Variants in RBM25 observed in about 807,000 individuals in gnomAD.
The protein encoded by RBM25 is RNA binding motif protein 25.
In RBM25, 19 loss-of-function variants were observed where a neutral mutation model predicts 120.7. The observed-to-expected ratio is 0.16, with a 90% CI of 0.11 to 0.23. The LOEUF (loss-of-function observed/expected upper bound fraction) is 0.23, where lower values mean the gene tolerates loss of function less well. Among genes scored for constraint, RBM25 ranks in the 10% least tolerant of loss-of-function variants. RBM25 has a pLI of 1.00. For synonymous variants in RBM25, 390 were observed against 326.7 expected, an observed-to-expected ratio of 1.19 and a Z score of -2.09; for missense variants, 605 against 1,041.5, an observed-to-expected ratio of 0.58 and a Z score of 5.77.
intron 13 of RBM25, 54 bp from the exon 14 acceptor site, chr14:73,109,288 T>C: frequency 6.4e-7 from 1 of 1,559,782 alleles, no homozygotes. Flanking sequence ...ATGTCATGTT[T>C]ACTTCTCAAT....
intron 6 of RBM25, among the ~76,000 whole-genome samples, chr14:73,092,363 G>A (rs894166704): frequency 5.3e-5 from 8 of 152,008 alleles, no homozygotes; most frequent in Admixed American, 2.0e-4. Flanking sequence ...ATTCTTGGTC[G>A]TTGATTAGTT....
In RBM25 at chr14:73,063,487, T is replaced by C. The variant is rs537641338; in HGVS notation, c.-16+4782T>C. Among the ~76,000 whole-genome samples, 1,031 of 151,506 alleles carry C rather than the reference T, an allele frequency of 6.8e-3. 53 individuals carry two copies. Among genetic ancestry groups the C allele is most frequent in the South Asian group, 0.065 (312 of 4,814 alleles). ...TTAGCAGGAAAAGGTGCTTTGAACCTTCTAAAATGTGAGGTACTTTCAATA... is the reference window on the plus strand; with the variant it reads ...TTAGCAGGAAAAGGTGCTTTGAACCCTCTAAAATGTGAGGTACTTTCAATA... On this transcript the variant is annotated intron_variant, in intron 1 of 18. Coordinates refer to ENST00000261973, the MANE Select transcript of RBM25 (RefSeq NM_021239.3).
chr14:73,097,139 G>A (rs898402951), intron 7 of RBM25, 39 bp downstream of exon 7: 1 of 1,299,062 alleles, frequency 7.7e-7, no homozygotes, highest in Non-Finnish European at 1.0e-6. Context: ...TCTACCGTTT[G>A]TTTTTTATGA....
chr14:73,078,465 C>T (rs1358602809), intron 4 of RBM25, among the ~76,000 whole-genome samples: 2 of 151,734 alleles, frequency 1.3e-5, no homozygotes, highest in Non-Finnish European at 2.9e-5. Context: ...CACTCCAGCC[C>T]GAGCAAGAGA....
At position 73,106,202 on chromosome 14, in the gene RBM25, A is replaced by G; in HGVS notation, c.1384A>G (p.Lys462Glu). The part of the protein sequence containing the change: ...EKEAAYQERL[K>E]NWEIRERKKT... ...GAAAATTTAATTTTTTTAGCGCCTT[A>G]AGAATTGGGAAATCAGAGAACGAAA... The change falls in exon 12 of 19, where the codon AAG becomes GAG. Residue 462 changes from lysine to glutamate, a missense_variant. By Grantham distance (56) the Lys-to-Glu change is moderately conservative. Transcript: ENST00000261973. The G allele has an allele frequency of 6.3e-7, 1 of 1,589,264 alleles. No homozygotes were observed. The highest frequency in any genetic ancestry group is 1.2e-5 in the South Asian group (1 of 85,402).
intron 2 of RBM25, among the ~76,000 whole-genome samples, chr14:73,074,752 C>T (rs571017127): frequency 6.6e-6 from 1 of 151,574 alleles, no homozygotes; most frequent in Non-Finnish European, 1.5e-5. Flanking sequence ...CACTCTGTCG[C>T]TGGAGTGCAG....
chr14:73,105,859 A>G lies in RBM25; in HGVS notation c.1155A>G (p.Arg385=). Residue 385 remains arginine (R), a splice_region_variant and synonymous_variant, in exon 11 of 19, where the codon AGA becomes AGG. Coordinates refer to ENST00000261973, the MANE Select transcript of RBM25 (RefSeq NM_021239.3). The part of the protein sequence containing the change: ...SDRNKDRSRS[R]EKSRDRERER... ...TTGTAAAATATTTTGTTTACATTAG[A>G]GAAAAAAGCAGAGATCGTGAAAGGG... The G allele has an allele frequency of 6.2e-6, 10 of 1,606,256 alleles. No individual in the cohort carries two copies. Among genetic ancestry groups the G allele is most frequent in the Non-Finnish European group, 8.5e-6 (10 of 1,177,826 alleles).
intron 7 of RBM25, 99 bp downstream of exon 7, chr14:73,097,199 T>TC: frequency 1.7e-6 from 1 of 601,440 alleles, no homozygotes; most frequent in Non-Finnish European, 2.3e-6. Flanking sequence ...TTCTTTTCTT[T>TC]TTTTTTTTTT....
chr14:73,090,884 G>A (rs1895799014), intron 6 of RBM25, among the ~76,000 whole-genome samples: 1 of 152,052 alleles, frequency 6.6e-6, no homozygotes, highest in Non-Finnish European at 1.5e-5. Context: ...TGCTTCATAA[G>A]GAAATTATAT....
At chr14:73,087,552 C>T (rs148218641) in intron 5 of RBM25, among the ~76,000 whole-genome samples, 1,757 of 152,218 alleles carry the variant, frequency 0.012, 31 homozygotes, top group African/African-American at 0.04. Flanking sequence ...CCCGCCACCG[C>T]GCCCGGCTAA....
In RBM25 at chr14:73,106,197, G is replaced by A. The variant is rs749264751; in HGVS notation, c.1379G>A (p.Arg460His). ...GCTTTGAAAATTTAATTTTTTTAGC[G>A]CCTTAAGAATTGGGAAATCAGAGAA... ...LREKEAAYQE[R>H]LKNWEIRERK... Residue 460 changes from arginine to histidine, a missense_variant and splice_region_variant, in exon 12 of 19, where the codon CGC becomes CAC. Transcript: ENST00000261973. The A allele has an allele frequency of 3.8e-6, 6 of 1,582,726 alleles. No individual in the cohort carries two copies. The highest frequency in any genetic ancestry group is 5.1e-6 in the Non-Finnish European group (6 of 1,170,122).
chr14:73,111,835 G>A (rs1258005857), intron 16 of RBM25, 33 bp downstream of exon 16: 13 of 1,538,118 alleles, frequency 8.5e-6, no homozygotes, highest in Admixed American at 4.4e-5. Flanking sequence ...TCATATTATT[G>A]GGAACAGTTG....
At chr14:73,090,764 C>G (rs911025633) in intron 6 of RBM25, among the ~76,000 whole-genome samples, 1 of 152,160 alleles carries the variant, frequency 6.6e-6, no homozygotes, top group Non-Finnish European at 1.5e-5. Flanking sequence ...TGGGCTGTGT[C>G]TCTTTAATCT....
At chr14:73,084,194 G>T (rs1005515533) in intron 5 of RBM25, among the ~76,000 whole-genome samples, 1 of 152,086 alleles carries the variant, frequency 6.6e-6, no homozygotes, top group Non-Finnish European at 1.5e-5. Context: ...CACCACACCT[G>T]ACCTCAAATG....
intron 14 of RBM25, 53 bp downstream of exon 14, chr14:73,109,545 G>C (rs1896260726): frequency 1.3e-6 from 2 of 1,551,162 alleles, no homozygotes; most frequent in Non-Finnish European, 1.7e-6. Flanking sequence ...TGTAATCCCA[G>C]CTCTTTGGGA....
chr14:73,063,349 C>T (rs1205039383), intron 1 of RBM25, among the ~76,000 whole-genome samples: 1 of 151,036 alleles, frequency 6.6e-6, no homozygotes, highest in Non-Finnish European at 1.5e-5. Flanking sequence ...CGAGATTTCA[C>T]TGTGTTAGCC....
intron 1 of RBM25, chr14:73,070,045 TA>T (rs1594898126): frequency 6.6e-6 from 1 of 152,054 alleles, no homozygotes; most frequent in African/African-American, 2.4e-5. Flanking sequence ...CATGACAAAC[TA>T]AGTGAAACAG....
intron 2 of RBM25, among the ~76,000 whole-genome samples, chr14:73,074,572 TGTG>T (rs1311682241): frequency 2.6e-5 from 4 of 152,060 alleles, no homozygotes; most frequent in African/African-American, 9.7e-5. Context: ...GACCCTGTCT[TGTG>T]GGGAGGTGGG....
Position 73,111,769 on chromosome 14 carries a change from C to T in RBM25, c.2259C>T (p.Phe753=), listed in dbSNP as rs753219004. Residue 753 remains phenylalanine (F), a synonymous_variant, in exon 16 of 19, where the codon TTC becomes TTT. Transcript: ENST00000261973. ...EKIPTAKPEL[F]AYPLDWSIVD... ...TCCCTACAGCCAAACCTGAGCTCTT[C>T]GCTTATCCCCTGGATTGGTCTATTG... 3.2e-5 allele frequency: 52 copies of T among 1,611,128 alleles called. No homozygotes were observed. Among genetic ancestry groups the T allele is most frequent in the Non-Finnish European group, 4.0e-5 (47 of 1,179,290 alleles).
Sources: allele counts gnomAD v4.1 joint callset (sites outside exome capture counted in the v4.1 genomes callset), GRCh38; gene constraint gnomAD v4.1.1; transcripts MANE v1.5; gene names NCBI Gene and HGNC (gene_info 2026-07-23, HGNC 2026-07-21).